The following RARB variants were observed in gnomAD, a reference collection of about 807,000 sequenced individuals.
RARB encodes the protein retinoic acid receptor beta, also known as HBV-activated protein.
Under a neutral mutation model 51.9 loss-of-function variants are expected in RARB, and 17 were observed. That is an observed-to-expected ratio of 0.33 (90% CI 0.22 to 0.49). The LOEUF is 0.49. Among genes scored for constraint, RARB ranks in the 20% least tolerant of loss-of-function variants. RARB has a pLI of 0.99. For missense variants in RARB, 369 were observed against 550.8 expected (o/e 0.67, Z 3.30); for synonymous variants, 215 against 195.4 (o/e 1.10, Z -0.84).
At chr3:25,295,140 C>T (rs1251806199) in intron 5 of RARB, among the ~76,000 whole-genome samples, 1 of 152,166 alleles carries the variant, frequency 6.6e-6, no homozygotes, top group Non-Finnish European at 1.5e-5. Flanking sequence ...AGAGCAAGAG[C>T]TCTTAAGTAC....
chr3:25,198,984 C>G (rs530954256), intron 5 of RARB, among the ~76,000 whole-genome samples: 2 of 152,080 alleles, frequency 1.3e-5, no homozygotes, highest in African/African-American at 2.4e-5. Flanking sequence ...GAAGAGATAT[C>G]TGCATTCTCA....
chr3:25,119,079 C>T (rs932354259), intron 3 of RARB, among the ~76,000 whole-genome samples: 5 of 152,026 alleles, frequency 3.3e-5, no homozygotes, highest in Non-Finnish European at 5.9e-5. Flanking sequence ...AGCCTAGGAA[C>T]AGTAAATCTT....
At chr3:25,140,770 A>C (rs1559480789) in intron 4 of RARB, among the ~76,000 whole-genome samples, 4 of 152,116 alleles carry the variant, frequency 2.6e-5, no homozygotes, top group Non-Finnish European at 5.9e-5. Flanking sequence ...AAACTTCATT[A>C]TTATCTTTTT....
intron 3 of RARB, among the ~76,000 whole-genome samples, chr3:25,118,402 T>C (rs1699726467): frequency 6.6e-6 from 1 of 152,186 alleles, no homozygotes; most frequent in Non-Finnish European, 1.5e-5. Context: ...TCACACCTTG[T>C]GTCTGTGTGA....
chr3:24,985,035 T>C (rs539425686), intron 2 of RARB, among the ~76,000 whole-genome samples: 2 of 152,360 alleles, frequency 1.3e-5, no homozygotes, highest in South Asian at 2.1e-4. Context: ...GGGTTCATTT[T>C]ATTCTGGAAA....
intron 2 of RARB, among the ~76,000 whole-genome samples, chr3:25,498,937 C>T (rs1181462032): frequency 6.6e-6 from 1 of 152,032 alleles, no homozygotes; most frequent in Non-Finnish European, 1.5e-5. Context: ...GAGGATTTCA[C>T]AGTATTTGTA....
At chr3:25,508,273 T>C (rs1302432852) in intron 3 of RARB, among the ~76,000 whole-genome samples, 2 of 152,200 alleles carry the variant, frequency 1.3e-5, no homozygotes, top group African/African-American at 4.8e-5. Flanking sequence ...TTCCAATTTA[T>C]ACTTTAGACA....
intron 1 of RARB, among the ~76,000 whole-genome samples, chr3:25,450,325 A>C (rs1709137711): frequency 6.6e-6 from 1 of 152,182 alleles, no homozygotes; most frequent in African/African-American, 2.4e-5. Flanking sequence ...ATTAGCTATT[A>C]TTTTTACATG....
At chr3:25,235,305 G>A (rs1702277028) in intron 5 of RARB, among the ~76,000 whole-genome samples, 1 of 152,108 alleles carries the variant, frequency 6.6e-6, no homozygotes, top group African/African-American at 2.4e-5. Flanking sequence ...ATCTTGATCA[G>A]TACTGCAAGT....
intron 2 of RARB, among the ~76,000 whole-genome samples, chr3:24,930,116 G>C (rs535860823): frequency 2.0e-5 from 3 of 151,966 alleles, no homozygotes; most frequent in Non-Finnish European, 4.4e-5. Flanking sequence ...TGGTCATACT[G>C]CCAAAAAACA....
At chr3:25,105,437 AAAAG>A (rs1392615210) in intron 3 of RARB, among the ~76,000 whole-genome samples, 5,076 of 147,086 alleles carry the variant, frequency 0.035, 239 homozygotes, top group African/African-American at 0.11. Context: ...AAAAAAAAAA[AAAAG>A]AAGATTTGTG....
At chr3:25,066,190 T>C (rs1305927351) in intron 3 of RARB, among the ~76,000 whole-genome samples, 1 of 152,186 alleles carries the variant, frequency 6.6e-6, no homozygotes, top group African/African-American at 2.4e-5. Flanking sequence ...ATAAACAAAT[T>C]GCCTTTGATA....
At chr3:25,057,268 C>A (rs1321277160) in intron 2 of RARB, among the ~76,000 whole-genome samples, 1 of 152,014 alleles carries the variant, frequency 6.6e-6, no homozygotes, top group Admixed American at 6.6e-5. Flanking sequence ...TTGCAATAAG[C>A]ATTCTTGTGT....
At chr3:25,078,269 G>A (rs1439768453) in intron 3 of RARB, among the ~76,000 whole-genome samples, 2 of 151,922 alleles carry the variant, frequency 1.3e-5, no homozygotes, top group Non-Finnish European at 2.9e-5. Flanking sequence ...TTTTTATCTC[G>A]GGATCTTTAA....
rs78874476 is a variant in RARB, at chr3:25,303,843, T to G, written c.178+129268T>G. Among the ~76,000 whole-genome samples, 1,365 of 152,292 alleles carry G rather than the reference T, an allele frequency of 9.0e-3. 21 individuals are homozygous for G. The highest frequency in any genetic ancestry group is 0.03 in the African/African-American group (1,237 of 41,556). On this transcript the variant is annotated intron_variant, in intron 5 of 11. Coordinates refer to the RARB transcript ENST00000383772. ...GCTTGGTCTGGGTTTGTTTCTTAATTGCAAATTGCAGAGTCCAGGGTTCAA... is the reference window on the plus strand; with the variant it reads ...GCTTGGTCTGGGTTTGTTTCTTAATGGCAAATTGCAGAGTCCAGGGTTCAA...
At chr3:24,974,764 T>C (rs899494693) in intron 2 of RARB, among the ~76,000 whole-genome samples, 5 of 152,180 alleles carry the variant, frequency 3.3e-5, no homozygotes, top group African/African-American at 1.2e-4. Flanking sequence ...ACATCTTTCT[T>C]AGCCACTGAA....
At chr3:25,381,491 G>A (rs954277539) in intron 5 of RARB, among the ~76,000 whole-genome samples, 26 of 152,142 alleles carry the variant, frequency 1.7e-4, no homozygotes, top group Admixed American at 7.2e-4. Context: ...ATTTTTGCGA[G>A]GGTTAAATCT....
chr3:25,195,757 C>G (rs1193957601), intron 5 of RARB, among the ~76,000 whole-genome samples: 1 of 151,856 alleles, frequency 6.6e-6, no homozygotes, highest in Admixed American at 6.6e-5. Flanking sequence ...AATTAAAATT[C>G]TATGTAGAAA....
chr3:24,835,703 G>A (rs1575029080), intron 1 of RARB, among the ~76,000 whole-genome samples: 1 of 152,156 alleles, frequency 6.6e-6, no homozygotes, highest in East Asian at 1.9e-4. Flanking sequence ...CACCTCCCCA[G>A]TAACAGCCAG....
Sources: allele counts gnomAD v4.1 joint callset (sites outside exome capture counted in the v4.1 genomes callset), GRCh38; gene constraint gnomAD v4.1.1; transcripts MANE v1.5; gene names NCBI Gene and HGNC (gene_info 2026-07-23, HGNC 2026-07-21).